SUPT3H: variants seen among roughly 807,000 people sequenced by gnomAD.
SUPT3H encodes the protein SPT3 homolog, SAGA and STAGA complex component, also known as transcription initiation protein SPT3 homolog.
In SUPT3H, 44 loss-of-function variants were observed where a neutral mutation model predicts 44.3. That is an observed-to-expected ratio of 0.99 (90% CI 0.78 to 1.28). SUPT3H has a LOEUF of 1.28. Ranked by LOEUF, SUPT3H falls within the 50% of genes most tolerant of loss-of-function variation. SUPT3H has a pLI of 0.00. For synonymous variants in SUPT3H, 124 were observed against 125.6 expected (o/e 0.99, Z 0.09); for missense variants, 380 against 387.1 (o/e 0.98, Z 0.15).
intron 2 of SUPT3H, among the ~76,000 whole-genome samples, chr6:45,291,200 T>A (rs889228600): frequency 2.6e-5 from 4 of 151,916 alleles, no homozygotes; most frequent in Admixed American, 2.6e-4. Flanking sequence ...AGAGAGATAA[T>A]CACTACAACT....
chr6:44,912,322 A>G (rs1767177679), intron 10 of SUPT3H, among the ~76,000 whole-genome samples: 1 of 152,130 alleles, frequency 6.6e-6, no homozygotes, highest in Admixed American at 6.6e-5. Flanking sequence ...AGTAAGTGGG[A>G]TCATACAGTA....
chr6:45,126,863 A>C (rs1233654535), intron 2 of SUPT3H, among the ~76,000 whole-genome samples: 2 of 152,200 alleles, frequency 1.3e-5, no homozygotes, highest in Admixed American at 6.5e-5. Context: ...TTTTTTAAAA[A>C]GGGGGAAGAG....
chr6:45,273,293 C>T (rs927830663), intron 2 of SUPT3H, among the ~76,000 whole-genome samples: 3 of 152,118 alleles, frequency 2.0e-5, no homozygotes, highest in Admixed American at 6.5e-5. Flanking sequence ...TTCACAGCAT[C>T]GCCTCATCCC....
At chr6:45,022,889 C>T (rs1200643253) in intron 3 of SUPT3H, among the ~76,000 whole-genome samples, 2 of 152,070 alleles carry the variant, frequency 1.3e-5, no homozygotes, top group Admixed American at 1.3e-4. Flanking sequence ...AGGAGTTTCA[C>T]ATCTCAGGAA....
chr6:45,254,746 G>A (rs975114923), intron 2 of SUPT3H, among the ~76,000 whole-genome samples: 6 of 152,100 alleles, frequency 3.9e-5, no homozygotes, highest in African/African-American at 1.4e-4. Context: ...CATTATCCAA[G>A]TTTCACTTAC....
chr6:45,202,352 A>G (rs551958946), intron 2 of SUPT3H, among the ~76,000 whole-genome samples: 1 of 152,150 alleles, frequency 6.6e-6, no homozygotes, highest in Middle Eastern at 3.4e-3. Context: ...CATCCAGAAT[A>G]TAAAAATAAA....
At chr6:45,127,226 G>A (rs1008065741) in intron 2 of SUPT3H, among the ~76,000 whole-genome samples, 2 of 152,026 alleles carry the variant, frequency 1.3e-5, no homozygotes, top group Non-Finnish European at 2.9e-5. Context: ...AGGCAGGAGG[G>A]TTGCTTGAAC....
In SUPT3H at chr6:45,295,548, A is replaced by AAAAAAAAAAAC. The variant is rs1554330142; in HGVS notation, c.101+69652_101+69653insGTTTTTTTTTT. On this transcript the variant is annotated intron_variant, in intron 2 of 10. Coordinates refer to ENST00000371459, the MANE Select transcript of SUPT3H (RefSeq NM_003599.4). ...GCAAAAAAAAAAAAAAAAAAAAAAA[A>AAAAAAAAAAAC]AAAAAACAGCAGAGTCAACAGACAA... Among the ~76,000 whole-genome samples the AAAAAAAAAAAC allele has an allele frequency of 1.9e-4, 17 of 90,242 alleles. 3 individuals are homozygous for AAAAAAAAAAAC. The highest frequency in any genetic ancestry group is 2.4e-4 in the Non-Finnish European group (11 of 45,156). The allele number at this position is 90,242 out of a possible 152,430, so 59.2% of individuals were successfully genotyped here.
At chr6:45,295,524 CAAAAA>C (rs752887669) in intron 2 of SUPT3H, among the ~76,000 whole-genome samples, 2 of 40,062 alleles carry the variant, frequency 5.0e-5, no homozygotes, top group African/African-American at 1.7e-4. Flanking sequence ...TTTTGCACAG[CAAAAA>C]AAAAAAAAAA....
intron 2 of SUPT3H, among the ~76,000 whole-genome samples, chr6:45,136,170 A>C (rs562571853): frequency 6.6e-6 from 1 of 152,338 alleles, no homozygotes; most frequent in African/African-American, 2.4e-5. Flanking sequence ...ATTTGAGCAC[A>C]ATCTCTGAAC....
At chr6:45,007,130 C>T (rs1015646935) in intron 5 of SUPT3H, among the ~76,000 whole-genome samples, 1 of 152,110 alleles carries the variant, frequency 6.6e-6, no homozygotes, top group African/African-American at 2.4e-5. Flanking sequence ...CTAGTGCCTT[C>T]TAGCTTCCGG....
At chr6:44,921,055 GC>G (rs1319982032) in intron 10 of SUPT3H, among the ~76,000 whole-genome samples, 5 of 152,172 alleles carry the variant, frequency 3.3e-5, no homozygotes, top group African/African-American at 1.2e-4. Flanking sequence ...ACATGGCACT[GC>G]TTATTTATTC....
At chr6:45,158,070 A>G (rs1808152660) in intron 2 of SUPT3H, among the ~76,000 whole-genome samples, 1 of 146,626 alleles carries the variant, frequency 6.8e-6, no homozygotes, top group South Asian at 2.1e-4. Flanking sequence ...ATAAATTATT[A>G]TAATTTATAA....
chr6:45,050,878 A>ATTTTTTT (rs35575281), intron 3 of SUPT3H, among the ~76,000 whole-genome samples: 10 of 86,164 alleles, frequency 1.2e-4, no homozygotes, highest in Non-Finnish European at 1.5e-4. Context: ...AGGGTATGGG[A>ATTTTTTT]TTTTTTTTTT....
chr6:45,037,331 A>G (rs1225386198), intron 3 of SUPT3H, among the ~76,000 whole-genome samples: 2 of 151,856 alleles, frequency 1.3e-5, no homozygotes, highest in African/African-American at 2.4e-5. Flanking sequence ...AGAGACTATG[A>G]AAGTAGATGA....
chr6:45,176,122 G>A lies in SUPT3H; in HGVS notation c.102-70116C>T, dbSNP rs543230349. Among the ~76,000 whole-genome samples the A allele has an allele frequency of 7.9e-5, 12 of 152,170 alleles. No individual in the cohort carries two copies. In the East Asian group the frequency reaches 1.9e-3, roughly 25 times the overall value. ...CTGGTCTACAGCTCCCAGCGTGAGC[G>A]ACGCAGAAGACGGGTGATTTCTGCA... On this transcript the variant is annotated intron_variant, in intron 2 of 10. Transcript: ENST00000371459.
chr6:45,026,355 CA>C (rs1354591131), intron 3 of SUPT3H, among the ~76,000 whole-genome samples: 1 of 152,098 alleles, frequency 6.6e-6, no homozygotes, highest in Non-Finnish European at 1.5e-5. Context: ...TTAGATACAT[CA>C]AATAAGTTCT....
intron 6 of SUPT3H, among the ~76,000 whole-genome samples, chr6:44,977,625 T>C (rs148159169): frequency 1.3e-5 from 2 of 152,282 alleles, no homozygotes; most frequent in East Asian, 1.9e-4. Flanking sequence ...GAGAGTTTTG[T>C]GGTTTTTCAC....
chr6:44,827,441 ATCTCTGGTCTGTCACTACATTAT>A lies in SUPT3H; in HGVS notation c.*2352_*2374del, dbSNP rs1051106540. ...TGAAAATTAGGGACCATCGATTCTC[ATCTCTGGTCTGTCACTACATTAT>A]TGAGTGATCTTAGGAAACTCACTTT... On this transcript the variant is annotated 3_prime_UTR_variant, in exon 11 of 11. Transcript: ENST00000371459. 6.6e-6 allele frequency among the ~76,000 whole-genome samples: 1 copy of A among 152,072 alleles called. No homozygotes were observed. Among genetic ancestry groups the A allele is most frequent in the African/African-American group, 2.4e-5 (1 of 41,446 alleles).
Sources: gnomAD v4.1 joint callset for allele counts (sites outside exome capture counted in the v4.1 genomes callset) on GRCh38, gnomAD v4.1.1 for gene constraint, MANE v1.5 for transcripts, NCBI Gene and HGNC (gene_info 2026-07-23, HGNC 2026-07-21) for gene names.